The following POMT1 variants were observed in gnomAD, a reference collection of about 807,000 sequenced individuals.
POMT1 encodes protein O-mannosyl-transferase 1.
In POMT1, 85 loss-of-function variants were observed where a neutral mutation model predicts 101.6. That is an observed-to-expected ratio of 0.84 (90% CI 0.70 to 1.00). The LOEUF is 1.00. POMT1 is among the 50% of genes least tolerant of loss of function. The probability of loss-of-function intolerance (pLI) is 0.00; values close to 1 mark genes in which losing one functional copy is unlikely to be tolerated. For synonymous variants in POMT1, 371 were observed against 383.0 expected, an observed-to-expected ratio of 0.97 and a Z score of 0.37; for missense variants, 857 against 930.4, an observed-to-expected ratio of 0.92 and a Z score of 1.03.
At chr9:131,518,137 G>A in intron 13 of POMT1, 2 of 427,656 alleles carry the variant, frequency 4.7e-6, no homozygotes, top group South Asian at 2.0e-5. Flanking sequence ...CCAGGGCTCT[G>A]AGCCCTATGA....
At chr9:131,517,008 A>C (rs147812097) in intron 13 of POMT1, 2 of 152,334 alleles carry the variant, frequency 1.3e-5, no homozygotes, top group East Asian at 3.9e-4. Flanking sequence ...TTACTGGACC[A>C]TGTTGCCATC....
chr9:131,514,326 C>T (rs1222000287), intron 12 of POMT1, among the ~76,000 whole-genome samples: 1 of 152,160 alleles, frequency 6.6e-6, no homozygotes, highest in Non-Finnish European at 1.5e-5. Context: ...CACCCTGGCT[C>T]CCCCCAGCCC....
At chr9:131,521,965 C>A in intron 18 of POMT1, 82 bp from the exon 19 acceptor site, 1 of 1,600,164 alleles carries the variant, frequency 6.2e-7, no homozygotes, top group Non-Finnish European at 8.5e-7. Context: ...AGTAAGAACC[C>A]TCTCTCTAAA....
In POMT1 at chr9:131,519,060, C is replaced by A; in HGVS notation, c.1486+103C>A. The A allele has an allele frequency of 6.4e-7, 1 of 1,550,964 alleles. No homozygotes were observed. Among genetic ancestry groups the A allele is most frequent in the Admixed American group, 1.8e-5 (1 of 55,396 alleles). On this transcript the variant is annotated intron_variant, in intron 15 of 19. Transcript: ENST00000402686. This position sits in a 1 kb window ranked among gnomAD's most constrained non-coding sequence, Gnocchi z 4.3. ...TCATTTTGGTGGGAAGGGAACTGAG[C>A]ACATTCTCCATGCTCGGTGGCAGGT...
Position 131,520,178 on chromosome 9 carries a change from G to A in POMT1, c.1683G>A (p.Leu561=). 1.2e-6 allele frequency: 2 copies of A among 1,613,396 alleles called. No individual in the cohort carries two copies. Among genetic ancestry groups the A allele is most frequent in the South Asian group, 1.1e-5 (1 of 91,086 alleles). Residue 561 remains leucine (L), a synonymous_variant, in exon 17 of 20, where the codon CTG becomes CTA. Coordinates refer to ENST00000402686, the MANE Select transcript of POMT1 (RefSeq NM_001077365.2). Reference sequence around the variant, plus strand: ...TGGACACCAATATTGCCTACTGGCTGCACCCCAGGACCAGCGTAAGCGAGC... The same window carrying A: ...TGGACACCAATATTGCCTACTGGCTACACCCCAGGACCAGCGTAAGCGAGC... The part of the protein sequence containing the change: ...VTLDTNIAYW[L]HPRTSAQIHL...
chr9:131,508,505 T>C (rs1564340511), intron 5 of POMT1, among the ~76,000 whole-genome samples: 1 of 152,122 alleles, frequency 6.6e-6, no homozygotes, highest in African/African-American at 2.4e-5. Flanking sequence ...CACTCCAGCC[T>C]GGTGACAGAA....
Position 131,522,914 on chromosome 9 carries a change from C to G in POMT1, c.2004-18C>G, listed in dbSNP as rs781030650. 1.1e-5 allele frequency: 17 copies of G among 1,572,384 alleles called. No homozygotes were observed. Among genetic ancestry groups the G allele is most frequent in the Admixed American group, 1.8e-5 (1 of 54,818 alleles). ...CAGTGGTCAGCCACCCTCCCCCACG[C>G]TGCTCTGACCTCTGCAGGTCCCAGC... On this transcript the variant is annotated intron_variant, in intron 19 of 19. Coordinates refer to ENST00000402686, the MANE Select transcript of POMT1 (RefSeq NM_001077365.2). This position sits in a 1 kb window ranked among gnomAD's most constrained non-coding sequence, Gnocchi z 5.5.
At chr9:131,510,563 G>A in intron 9 of POMT1, 148 bp downstream of exon 9, 3 of 1,106,720 alleles carry the variant, frequency 2.7e-6, no homozygotes, top group Non-Finnish European at 3.9e-6. Context: ...TGGGGGGGAT[G>A]GAGTCTTACT....
chr9:131,504,629 A>G (rs1945316135), intron 2 of POMT1, among the ~76,000 whole-genome samples: 1 of 152,104 alleles, frequency 6.6e-6, no homozygotes, highest in Non-Finnish European at 1.5e-5. Flanking sequence ...TCTGGACGGC[A>G]GAGGATTAAT....
chr9:131,503,207 T>C lies in POMT1; in HGVS notation c.-31+134T>C, dbSNP rs1177838108. Reference sequence around the variant, plus strand: ...CGTCTTTCCGGAGCTGGGGGCGGGGTTCGGGCCCGGGCAGATGCGGCGTTC... The same window carrying C: ...CGTCTTTCCGGAGCTGGGGGCGGGGCTCGGGCCCGGGCAGATGCGGCGTTC... On this transcript the variant is annotated intron_variant, in intron 1 of 19. Transcript: ENST00000402686. This position sits in a 1 kb window ranked among gnomAD's most constrained non-coding sequence, Gnocchi z 4.4. 1 of 151,550 alleles carries C rather than the reference T, an allele frequency of 6.6e-6. No homozygotes were observed. The highest frequency in any genetic ancestry group is 1.5e-5 in the Non-Finnish European group (1 of 67,980). The allele number at this position is 151,550 out of a possible 1,614,324, so 9.4% of individuals were successfully genotyped here.
chr9:131,507,086 AAAAAG>A (rs999314184), intron 4 of POMT1, among the ~76,000 whole-genome samples: 1 of 151,984 alleles, frequency 6.6e-6, no homozygotes, highest in African/African-American at 2.4e-5. Flanking sequence ...AAAAAAAAGA[AAAAAG>A]AAAACAGGGA....
chr9:131,504,021 C>CCT (rs1945166727), intron 1 of POMT1, among the ~76,000 whole-genome samples, 168 bp from the exon 2 acceptor site: 2 of 152,206 alleles, frequency 1.3e-5, no homozygotes, highest in South Asian at 4.1e-4. Flanking sequence ...TGCTAGTGCC[C>CCT]CTCACCCCAC....
At position 131,523,217 on chromosome 9, in the gene POMT1, G is replaced by C. The variant is rs1394416538; in HGVS notation, c.*111G>C. On this transcript the variant is annotated 3_prime_UTR_variant, in exon 20 of 20. Transcript: ENST00000402686. ...CCCCACGCTGGGAGGACACGGGCTG[G>C]GCTGAGCAGGGCCTCTAGTGGAACA... is the stretch of plus-strand genomic sequence containing the variant. 3.0e-6 allele frequency: 4 copies of C among 1,329,178 alleles called. No individual in the cohort carries two copies. In the South Asian group the frequency reaches 5.0e-5, roughly 17 times the overall value. 82.3% of individuals were successfully genotyped at this position (1,329,178 alleles called of 1,614,324 possible). A position where few individuals can be genotyped will look rare whatever the true frequency, so the allele number is the denominator to read the frequency against.
chr9:131,514,939 AGAGT>A (rs1429761479), intron 12 of POMT1, among the ~76,000 whole-genome samples: 1 of 152,244 alleles, frequency 6.6e-6, no homozygotes, highest in Admixed American at 6.5e-5. Flanking sequence ...CCTGGGTGAC[AGAGT>A]GAGACTCCAT....
At chr9:131,510,110 G>T (rs750473614) in intron 8 of POMT1, 114 bp downstream of exon 8, 1 of 1,613,024 alleles carries the variant, frequency 6.2e-7, no homozygotes, top group Non-Finnish European at 8.5e-7. Flanking sequence ...AAGCAGGCAG[G>T]CCTGGGCAGC....
intron 12 of POMT1, 106 bp from the exon 13 acceptor site, chr9:131,515,320 G>A (rs1222603420): frequency 1.7e-5 from 20 of 1,152,686 alleles, no homozygotes; most frequent in Non-Finnish European, 2.6e-5. Flanking sequence ...TTATGGCTGA[G>A]CCGGCTTTGT....
chr9:131,506,253 T>G (rs1297035766), intron 3 of POMT1, 33 bp downstream of exon 3: 1 of 1,601,176 alleles, frequency 6.2e-7, no homozygotes. Context: ...CCCCTACCCT[T>G]CAGGACCTCA....
chr9:131,510,646 A>G, intron 9 of POMT1: 1 of 577,782 alleles, frequency 1.7e-6, no homozygotes. Context: ...TGGTATTACA[A>G]GCACCTGCAA....
At chr9:131,505,997 C>T in intron 2 of POMT1, 117 bp from the exon 3 acceptor site, 1 of 1,390,302 alleles carries the variant, frequency 7.2e-7, no homozygotes, top group Non-Finnish European at 9.9e-7. Flanking sequence ...AAGATCCAGC[C>T]TTTGCTGATC....
Sources: gnomAD v4.1 joint callset for allele counts (sites outside exome capture counted in the v4.1 genomes callset) on GRCh38, gnomAD v4.1.1 for gene constraint, Gnocchi (gnomAD v3.1) non-coding constraint, MANE v1.5 for transcripts, NCBI Gene and HGNC (gene_info 2026-07-23, HGNC 2026-07-21) for gene names.